The following CARS1 variants were observed in gnomAD, a reference collection of about 807,000 sequenced individuals.
CARS1 encodes the protein cysteine--tRNA ligase, cytoplasmic.
A neutral mutation model predicts 106.2 loss-of-function variants in CARS1; 48 were observed. The ratio of observed to expected loss-of-function variants is 0.45; its 90% CI spans 0.36 to 0.57. CARS1 has a LOEUF of 0.57. Ranked by LOEUF, CARS1 falls within the 20% of genes least tolerant of loss-of-function variation. The pLI, the probability that CARS1 is intolerant of heterozygous loss-of-function variation, is 0.00. For synonymous variants in CARS1, 409 were observed against 403.4 expected, an observed-to-expected ratio of 1.01 and a Z score of -0.17; for missense variants, 968 against 1,057.2, an observed-to-expected ratio of 0.92 and a Z score of 1.17.
chr11:3,056,442 C>A (rs973193821), intron 1 of CARS1, among the ~76,000 whole-genome samples: 1 of 152,202 alleles, frequency 6.6e-6, no homozygotes, highest in Non-Finnish European at 1.5e-5. Flanking sequence ...AGAGAAGAAC[C>A]CACTGGTCTC....
chr11:3,032,012 C>A (rs1387666828), intron 7 of CARS1, among the ~76,000 whole-genome samples: 1 of 10,016 alleles, frequency 1.0e-4, no homozygotes. Flanking sequence ...CCCTCCCTCC[C>A]TCCCTCCCTC....
At chr11:3,005,095 G>A (rs1590314188) in intron 20 of CARS1, among the ~76,000 whole-genome samples, 1 of 119,910 alleles carries the variant, frequency 8.3e-6, no homozygotes. Flanking sequence ...GCAACAGAGT[G>A]AGACTCCGTC....
rs1037418695 is a variant in CARS1, at chr11:3,019,960, T to G, written c.1266+260A>C. On this transcript the variant is annotated intron_variant, in intron 11 of 22. Coordinates refer to ENST00000380525, the MANE Select transcript of CARS1 (RefSeq NM_001014437.3). The surrounding 1 kb of genome is among the most constrained non-coding windows in gnomAD (Gnocchi z 6.2). Reference sequence around the variant, plus strand: ...GAACACAAGAACCAAGAAGCCTCCATGGACGTCTACTCTGATCACATCTCC... The same window carrying G: ...GAACACAAGAACCAAGAAGCCTCCAGGGACGTCTACTCTGATCACATCTCC... 6.6e-6 allele frequency among the ~76,000 whole-genome samples: 1 copy of G among 152,162 alleles called. No homozygotes were observed. Among genetic ancestry groups the G allele is most frequent in the Non-Finnish European group, 1.5e-5 (1 of 68,018 alleles).
chr11:3,055,051 G>C (rs1388236943), intron 1 of CARS1: 3 of 685,632 alleles, frequency 4.4e-6, no homozygotes, highest in Non-Finnish European at 7.9e-6. Flanking sequence ...TGTACACCCA[G>C]TGAGATCAGG....
rs910130970 is a variant in CARS1 at position 3,028,005 on chromosome 11, C to T, written c.1031+991G>A. ...GTCTCCCTGTGATGCTGTGCTTCAG[C>T]GGTCACGCTCCTAGTCCTCCTTCAT... On this transcript the variant is annotated intron_variant, in intron 9 of 22. Transcript: ENST00000380525. The surrounding 1 kb of genome is among the most constrained non-coding windows in gnomAD (Gnocchi z 4.4). The T allele has an allele frequency of 1.9e-4, 70 of 368,300 alleles. No homozygotes were observed. Among genetic ancestry groups the T allele is most frequent in the Non-Finnish European group, 3.1e-4 (57 of 182,314 alleles). The allele number at this position is 368,300 out of a possible 1,614,324, so 22.8% of individuals were successfully genotyped here. A position where few individuals can be genotyped will look rare whatever the true frequency, so the allele number is the denominator to read the frequency against.
In CARS1 at chr11:3,012,100, G is replaced by A. The variant is rs573045028; in HGVS notation, c.2068+95C>T. 345 of 1,147,890 alleles carry A rather than the reference G, an allele frequency of 3.0e-4. 3 individuals carry two copies. The South Asian group carries it at 3.3e-3, about 11-fold the overall frequency. The allele number at this position is 1,147,890 out of a possible 1,614,324, so 71.1% of individuals were successfully genotyped here. A position where few individuals can be genotyped will look rare whatever the true frequency, so the allele number is the denominator to read the frequency against. On this transcript the variant is annotated intron_variant, in intron 18 of 22. Coordinates refer to ENST00000380525, the MANE Select transcript of CARS1 (RefSeq NM_001014437.3). Reference sequence around the variant, plus strand: ...GGGCAGCCTTCCCAGAGGATGATCCGGCCTGAACGCCATAGTGCCTCGGGG... The same window carrying A: ...GGGCAGCCTTCCCAGAGGATGATCCAGCCTGAACGCCATAGTGCCTCGGGG...
intron 1 of CARS1, among the ~76,000 whole-genome samples, chr11:3,049,526 G>C (rs1855444364): frequency 6.6e-6 from 1 of 152,226 alleles, no homozygotes; most frequent in African/African-American, 2.4e-5. Flanking sequence ...TGGTCCCTGA[G>C]CCCATGAGCA....
rs150252960 is a variant in CARS1, at chr11:3,018,417, C to G, written c.1620G>C (p.Lys540Asn). 6.2e-7 allele frequency: 1 copy of G among 1,611,926 alleles called. No homozygotes were observed. Among genetic ancestry groups the G allele is most frequent in the Non-Finnish European group, 8.5e-7 (1 of 1,178,000 alleles). ...NTMESALQYE[K>N]FLNEFFLNVK... ...GGGGCTGGGGACTCACATTCAAGAACTTCTCATATTGAAGCGCTGACTCCA... is the reference window on the plus strand; with the variant it reads ...GGGGCTGGGGACTCACATTCAAGAAGTTCTCATATTGAAGCGCTGACTCCA... Residue 540 changes from lysine (K) to asparagine (N), a missense_variant, in exon 14 of 23, where the codon AAG (lysine) becomes AAC (asparagine). Coordinates refer to ENST00000380525, the MANE Select transcript of CARS1 (RefSeq NM_001014437.3).
In CARS1 at chr11:3,017,099, G is replaced by A. The variant is rs774539074; in HGVS notation, c.1917+7C>T. 11 of 1,607,828 alleles carry A rather than the reference G, an allele frequency of 6.8e-6. No homozygotes were observed. In the Admixed American group the frequency reaches 1.0e-4, roughly 15 times the overall value. On this transcript the variant is annotated splice_region_variant and intron_variant, in intron 16 of 22. Coordinates refer to ENST00000380525, the MANE Select transcript of CARS1 (RefSeq NM_001014437.3). This position sits in a 1 kb window ranked among gnomAD's most constrained non-coding sequence, Gnocchi z 4.9. ...TGAGGGATACGCCTGCCTGGGGCCT[G>A]GCTTACCTTCAGCATATGGGTGAGG...
Position 3,022,935 on chromosome 11 carries a change from G to T in CARS1, c.1154-2603C>A, listed in dbSNP as rs562695391. Among the ~76,000 whole-genome samples, 2 of 152,182 alleles carry T rather than the reference G, an allele frequency of 1.3e-5. No homozygotes were observed. The highest frequency in any genetic ancestry group is 2.4e-5 in the African/African-American group (1 of 41,436). The stretch of plus-strand genomic sequence containing the variant: ...TACACTCCTTATGACTCCCCATGGT[G>T]GGGGGAGGTTGCGGGGGTGGTCATG... On this transcript the variant is annotated intron_variant, in intron 10 of 22. Transcript: ENST00000380525. This position sits in a 1 kb window ranked among gnomAD's most constrained non-coding sequence, Gnocchi z 4.9.
chr11:3,044,619 A>T lies in CARS1; in HGVS notation c.275-2363T>A, dbSNP rs2134277540. Reference sequence around the variant, plus strand: ...ACCATATTGGCCAGGCTGGTCTCAAACTCCTGACCTTGTGATCTGCCTGCC... The same window carrying T: ...ACCATATTGGCCAGGCTGGTCTCAATCTCCTGACCTTGTGATCTGCCTGCC... On this transcript the variant is annotated intron_variant, in intron 2 of 22. Transcript: ENST00000380525. The surrounding 1 kb of genome is among the most constrained non-coding windows in gnomAD (Gnocchi z 4.4). Among the ~76,000 whole-genome samples the T allele has an allele frequency of 6.6e-6, 1 of 151,864 alleles. No homozygotes were observed. Among genetic ancestry groups the T allele is most frequent in the East Asian group, 1.9e-4 (1 of 5,154 alleles).
Position 3,055,363 on chromosome 11 carries a change from G to C in CARS1, c.25+1980C>G, listed in dbSNP as rs549728039. ...AGAGACAGGGTTTCACCATGGTCTCGATCTCCTGACCTCGTGATCTGCCTG... is the reference window on the plus strand; with the variant it reads ...AGAGACAGGGTTTCACCATGGTCTCCATCTCCTGACCTCGTGATCTGCCTG... On this transcript the variant is annotated intron_variant, in intron 1 of 22. Transcript: ENST00000380525. Among the ~76,000 whole-genome samples the C allele has an allele frequency of 2.0e-5, 3 of 152,196 alleles. No homozygotes were observed. The East Asian group carries it at 5.8e-4, about 29-fold the overall frequency.
chr11:3,026,640 G>T, intron 10 of CARS1, 36 bp downstream of exon 10: 1 of 1,608,390 alleles, frequency 6.2e-7, no homozygotes, highest in South Asian at 1.1e-5. Flanking sequence ...GGGCCAGGAG[G>T]GAGAGCCCAC....
intron 7 of CARS1, among the ~76,000 whole-genome samples, chr11:3,032,060 C>CTCCTTCCT (rs1217924867): frequency 0.014 from 283 of 19,936 alleles, no homozygotes; most frequent in Non-Finnish European, 0.02. Flanking sequence ...CCCTCCCTCC[C>CTCCTTCCT]TCCTTCCTTC....
At chr11:3,012,719 G>A (rs1170445249) in intron 17 of CARS1, among the ~76,000 whole-genome samples, 2 of 152,150 alleles carry the variant, frequency 1.3e-5, no homozygotes, top group African/African-American at 2.4e-5. Flanking sequence ...CTCCCGGGCC[G>A]TGCTTTCGTC....
Position 3,020,951 on chromosome 11 carries a change from G to A in CARS1, c.1154-619C>T, listed in dbSNP as rs1356710250. On this transcript the variant is annotated intron_variant, in intron 10 of 22. Transcript: ENST00000380525. This position sits in a 1 kb window ranked among gnomAD's most constrained non-coding sequence, Gnocchi z 4.6. ...GTCCAGGAAGGCCATAAGAAAAGGG[G>A]AGTACTGCTCTTGGCACAAGTTCTA... Among the ~76,000 whole-genome samples the A allele has an allele frequency of 6.6e-6, 1 of 152,192 alleles. No individual in the cohort carries two copies. Among genetic ancestry groups the A allele is most frequent in the African/African-American group, 2.4e-5 (1 of 41,436 alleles).
chr11:3,004,978 C>T lies in CARS1; in HGVS notation c.2217+388G>A, dbSNP rs1037809238. 1.3e-4 allele frequency among the ~76,000 whole-genome samples: 20 copies of T among 152,030 alleles called. No homozygotes were observed. The highest frequency in any genetic ancestry group is 4.8e-4 in the African/African-American group (20 of 41,392). On this transcript the variant is annotated intron_variant, in intron 20 of 22. Coordinates refer to ENST00000380525, the MANE Select transcript of CARS1 (RefSeq NM_001014437.3). The surrounding 1 kb of genome is among the most constrained non-coding windows in gnomAD (Gnocchi z 5.2). Reference sequence around the variant, plus strand: ...CAAAAATTAGCTGGGCACAGTGGTGCGTGCCTGTAGTCCCAGCTACTTGGG... The same window carrying T: ...CAAAAATTAGCTGGGCACAGTGGTGTGTGCCTGTAGTCCCAGCTACTTGGG...
rs1426285389 is a variant in CARS1, at chr11:3,037,759, C to T, written c.801+291G>A. 6.6e-6 allele frequency among the ~76,000 whole-genome samples: 1 copy of T among 152,146 alleles called. No individual in the cohort carries two copies. The highest frequency in any genetic ancestry group is 1.5e-5 in the Non-Finnish European group (1 of 68,008). ...CGACAGAAGGCTGCCTCCCCACGTTCCAAGTGCACCTCCTGCCTATCTGAT... is the reference window on the plus strand; with the variant it reads ...CGACAGAAGGCTGCCTCCCCACGTTTCAAGTGCACCTCCTGCCTATCTGAT... On this transcript the variant is annotated intron_variant, in intron 7 of 22. Coordinates refer to ENST00000380525, the MANE Select transcript of CARS1 (RefSeq NM_001014437.3). The surrounding 1 kb of genome is among the most constrained non-coding windows in gnomAD (Gnocchi z 5.9).
chr11:3,056,844 C>T (rs993293027), intron 1 of CARS1, among the ~76,000 whole-genome samples: 8 of 152,318 alleles, frequency 5.3e-5, no homozygotes, highest in Middle Eastern at 3.4e-3. Context: ...GGCCACCTCC[C>T]GGGGTGAGGA....
Sources: gnomAD v4.1 joint callset for allele counts (sites outside exome capture counted in the v4.1 genomes callset) on GRCh38, gnomAD v4.1.1 for gene constraint, Gnocchi (gnomAD v3.1) non-coding constraint, MANE v1.5 for transcripts, NCBI Gene and HGNC (gene_info 2026-07-23, HGNC 2026-07-21) for gene names.